LIN28B: variants seen among roughly 807,000 people sequenced by gnomAD.
The protein encoded by LIN28B is protein lin-28 homolog B.
LIN28B carries 5 observed loss-of-function variants against 21.9 expected under a neutral mutation model. The ratio of observed to expected loss-of-function variants is 0.23; its 90% CI spans 0.12 to 0.48. The LOEUF (loss-of-function observed/expected upper bound fraction) is 0.48. Among genes scored for constraint, LIN28B ranks in the 20% least tolerant of loss-of-function variants. The probability of loss-of-function intolerance (pLI) is 0.98; values close to 1 mark genes in which losing one functional copy is unlikely to be tolerated. For synonymous variants in LIN28B, 109 were observed against 111.3 expected, an observed-to-expected ratio of 0.98 and a Z score of 0.13; for missense variants, 245 against 310.5, an observed-to-expected ratio of 0.79 and a Z score of 1.58.
chr6:105,050,577 C>A (rs886563721), intron 3 of LIN28B, among the ~76,000 whole-genome samples: 2 of 128,018 alleles, frequency 1.6e-5, no homozygotes, highest in Non-Finnish European at 3.1e-5. Context: ...AGTCCGCAGT[C>A]CAGCCTGGGC....
At chr6:105,035,556 C>T (rs1052008064) in intron 3 of LIN28B, among the ~76,000 whole-genome samples, 1 of 152,078 alleles carries the variant, frequency 6.6e-6, no homozygotes, top group Non-Finnish European at 1.5e-5. Flanking sequence ...ATTTTGGTTG[C>T]AAAACATCAA....
At chr6:105,012,106 C>T (rs1372441136) in intron 2 of LIN28B, among the ~76,000 whole-genome samples, 2 of 149,824 alleles carry the variant, frequency 1.3e-5, no homozygotes, top group African/African-American at 4.9e-5. Flanking sequence ...TGCAGTGAGC[C>T]GAGATTGCGC....
upstream of LIN28B, among the ~76,000 whole-genome samples, chr6:104,956,395 A>G (rs1778291178): frequency 1.3e-5 from 2 of 152,162 alleles, no homozygotes; most frequent in Admixed American, 1.3e-4. Context: ...GTGAAGTACA[A>G]TTCCTTACCA....
intron 2 of LIN28B, among the ~76,000 whole-genome samples, chr6:104,992,349 G>A (rs574533341): frequency 1.3e-5 from 2 of 152,240 alleles, no homozygotes; most frequent in South Asian, 2.1e-4. Flanking sequence ...GAGCCACTGC[G>A]CCTGGCCTCA....
intron 3 of LIN28B, among the ~76,000 whole-genome samples, chr6:105,049,625 G>A (rs1192553814): frequency 6.6e-6 from 1 of 151,986 alleles, no homozygotes; most frequent in Non-Finnish European, 1.5e-5. Flanking sequence ...CATTATTATT[G>A]TGTGGGAGTC....
At chr6:105,008,030 CAT>C (rs1770851063) in intron 2 of LIN28B, among the ~76,000 whole-genome samples, 1 of 152,152 alleles carries the variant, frequency 6.6e-6, no homozygotes, top group African/African-American at 2.4e-5. Context: ...AAATTTCAGT[CAT>C]ATGTAATTTT....
rs1772514403 is a variant in LIN28B at position 105,080,146 on chromosome 6, T to C, written c.*1363T>C. ...GAGAATCTTCTCAGGTTGGTTCTCG[T>C]TAGAGTGATAAACTGGCTAGGGGCC... On this transcript the variant is annotated 3_prime_UTR_variant, in exon 4 of 4. Transcript: ENST00000345080. 2 of 152,508 alleles carry C rather than the reference T, an allele frequency of 1.3e-5. No homozygotes were observed. Among genetic ancestry groups the C allele is most frequent in the South Asian group, 2.1e-4 (1 of 4,814 alleles). 9.4% of individuals were successfully genotyped at this position (152,508 alleles called of 1,614,324 possible). A position where few individuals can be genotyped will look rare whatever the true frequency, so the allele number is the denominator to read the frequency against.
Position 105,026,471 on chromosome 6 carries a change from A to C in LIN28B, c.372A>C (p.Pro124=). 1.1e-5 allele frequency: 18 copies of C among 1,567,504 alleles called. No homozygotes were observed. The highest frequency in any genetic ancestry group is 1.6e-5 in the Non-Finnish European group (18 of 1,160,666). The change falls in exon 3 of 4, where the codon CCA becomes CCC. Residue 124 remains proline, a synonymous_variant. Transcript: ENST00000345080. ...GGAAGACACTACAGAAAAGAAAACCAAAGGGAGATAGGTAATCATTTTTAC... is the reference window on the plus strand; with the variant it reads ...GGAAGACACTACAGAAAAGAAAACCCAAGGGAGATAGGTAATCATTTTTAC... ...PKGKTLQKRK[P]KGDRCYNCGG...
chr6:105,024,467 A>G (rs1289383493), intron 2 of LIN28B, among the ~76,000 whole-genome samples: 2 of 152,210 alleles, frequency 1.3e-5, no homozygotes, highest in East Asian at 3.8e-4. Context: ...ATGAAAGCAA[A>G]ATAACTATTT....
chr6:105,034,943 T>C (rs149548979), intron 3 of LIN28B, among the ~76,000 whole-genome samples: 1 of 152,156 alleles, frequency 6.6e-6, no homozygotes, highest in East Asian at 1.9e-4. Context: ...ATTGCCCTCA[T>C]TCAGTTTTAG....
At chr6:104,995,335 G>A (rs1007743687) in intron 2 of LIN28B, among the ~76,000 whole-genome samples, 21 of 152,188 alleles carry the variant, frequency 1.4e-4, no homozygotes, top group African/African-American at 4.8e-4. Context: ...GCAAGCATAC[G>A]AGTGACTTAT....
intron 3 of LIN28B, among the ~76,000 whole-genome samples, chr6:105,028,927 G>A (rs1256414078): frequency 3.3e-5 from 5 of 152,128 alleles, no homozygotes; most frequent in Non-Finnish European, 5.9e-5. Flanking sequence ...AACAGCAAAG[G>A]GCACTAAGTA....
chr6:105,055,841 C>G (rs2114393368), intron 3 of LIN28B, among the ~76,000 whole-genome samples: 1 of 151,740 alleles, frequency 6.6e-6, no homozygotes, highest in Middle Eastern at 3.4e-3. Flanking sequence ...GATCATGGCT[C>G]ACTGCAGCCT....
intron 3 of LIN28B, among the ~76,000 whole-genome samples, chr6:105,048,445 A>G (rs1368429878): frequency 1.3e-5 from 2 of 152,194 alleles, no homozygotes; most frequent in Non-Finnish European, 2.9e-5. Context: ...GGATTTTTGC[A>G]TCGATGTTCA....
At chr6:105,029,394 G>A (rs747137090) in intron 3 of LIN28B, among the ~76,000 whole-genome samples, 2 of 152,158 alleles carry the variant, frequency 1.3e-5, no homozygotes, top group Non-Finnish European at 2.9e-5. Flanking sequence ...AAGCACAACT[G>A]GGGGAGCTGA....
At chr6:105,022,402 G>T (rs541885968) in intron 2 of LIN28B, among the ~76,000 whole-genome samples, 133 of 152,258 alleles carry the variant, frequency 8.7e-4, no homozygotes, top group Admixed American at 2.0e-3. Context: ...AGGGGAAATT[G>T]TACATTTTTA....
intron 2 of LIN28B, chr6:104,939,270 T>A (rs1218793651): frequency 1.3e-5 from 2 of 152,248 alleles, no homozygotes; most frequent in African/African-American, 4.8e-5. Flanking sequence ...CTAAGAATTG[T>A]ATCTGAAAGA....
intron 3 of LIN28B, among the ~76,000 whole-genome samples, chr6:105,064,634 A>G (rs938566012): frequency 1.3e-5 from 2 of 152,158 alleles, no homozygotes; most frequent in Non-Finnish European, 2.9e-5. Context: ...ATTTGTAGCT[A>G]TTGTATTTTT....
intron 3 of LIN28B, chr6:105,045,522 G>C (rs1771739594): frequency 6.6e-6 from 1 of 152,052 alleles, no homozygotes; most frequent in South Asian, 2.1e-4. Flanking sequence ...CTGACCTCAA[G>C]TGATCCACCC....
Sources: allele counts gnomAD v4.1 joint callset (sites outside exome capture counted in the v4.1 genomes callset), GRCh38; gene constraint gnomAD v4.1.1; transcripts MANE v1.5; gene names NCBI Gene and HGNC (gene_info 2026-07-23, HGNC 2026-07-21).